CELF2: variants seen among roughly 807,000 people sequenced by gnomAD.
The protein encoded by CELF2 is CUGBP Elav-like family member 2.
In CELF2, 8 loss-of-function variants were observed where a neutral mutation model predicts 62.6. The observed-to-expected ratio is 0.13, with a 90% confidence interval of 0.07 to 0.23. The LOEUF (loss-of-function observed/expected upper bound fraction) is 0.23. Among genes scored for constraint, CELF2 ranks in the 10% least tolerant of loss-of-function variants. CELF2 has a pLI of 1.00. For synonymous variants in CELF2, 258 were observed against 250.0 expected (o/e 1.03, Z -0.30); for missense variants, 333 against 671.0 (o/e 0.50, Z 5.56).
chr10:11,050,238 G>A lies in CELF2; in HGVS notation c.74+32075G>A, dbSNP rs117104934. Among the ~76,000 whole-genome samples, 540 of 152,332 alleles carry A rather than the reference G, an allele frequency of 3.5e-3. 1 individual carries two copies. The highest frequency in any genetic ancestry group is 4.6e-3 in the Non-Finnish European group (315 of 68,022). ...TATTTGTGTCCCGAACTCTTTGTCC[G>A]TGAAGTGTTCAGAGAGAAGTCCAGT... is the stretch of plus-strand genomic sequence containing the variant. On this transcript the variant is annotated intron_variant, in intron 1 of 12. Coordinates refer to ENST00000633077, the MANE Select transcript of CELF2 (RefSeq NM_001326342.2).
chr10:10,926,436 C>T (rs1270450445), intron 2 of CELF2, among the ~76,000 whole-genome samples: 1 of 152,178 alleles, frequency 6.6e-6, no homozygotes, highest in Non-Finnish European at 1.5e-5. Flanking sequence ...GTGTTTTGAG[C>T]TTGAAATTCC....
chr10:10,725,572 G>C, the CELF2 span, among the ~76,000 whole-genome samples: 1 of 152,128 alleles, frequency 6.6e-6, no homozygotes, highest in Non-Finnish European at 1.5e-5. Flanking sequence ...CAGCCTTCAA[G>C]CCACATGTGG....
chr10:10,880,651 G>A (rs2061388051), intron 1 of CELF2, among the ~76,000 whole-genome samples: 1 of 152,148 alleles, frequency 6.6e-6, no homozygotes, highest in African/African-American at 2.4e-5. Context: ...AACAGACTGG[G>A]AAACACCAAA....
At chr10:10,594,352 T>C in the CELF2 span, among the ~76,000 whole-genome samples, 2 of 151,732 alleles carry the variant, frequency 1.3e-5, no homozygotes, top group African/African-American at 4.8e-5. Context: ...GAGATGCCTA[T>C]AGGAATACAG....
intron 5 of CELF2, among the ~76,000 whole-genome samples, chr10:11,259,245 G>T (rs996133051): frequency 6.6e-6 from 1 of 152,160 alleles, no homozygotes; most frequent in Non-Finnish European, 1.5e-5. Context: ...AAGAACATTT[G>T]CTCTTTTGAT....
the CELF2 span, among the ~76,000 whole-genome samples, chr10:10,482,026 C>T: frequency 1.3e-5 from 2 of 152,130 alleles, no homozygotes; most frequent in Non-Finnish European, 2.9e-5. Flanking sequence ...TCTTTTTAAG[C>T]AGATATAAGG....
At chr10:10,474,281 A>C in the CELF2 span, among the ~76,000 whole-genome samples, 1 of 152,068 alleles carries the variant, frequency 6.6e-6, no homozygotes, top group African/African-American at 2.4e-5. Flanking sequence ...CATTCTCCAC[A>C]AAAAGGGGGA....
At chr10:10,630,584 G>A in the CELF2 span, among the ~76,000 whole-genome samples, 1 of 152,128 alleles carries the variant, frequency 6.6e-6, no homozygotes, top group African/African-American at 2.4e-5. Flanking sequence ...ACTAGATGCT[G>A]TAAAACGTTT....
intron 8 of CELF2, among the ~76,000 whole-genome samples, chr10:11,277,285 G>A (rs889230531): frequency 3.3e-5 from 5 of 152,160 alleles, no homozygotes; most frequent in African/African-American, 9.7e-5. Context: ...CCATCAATCT[G>A]TGCACATGTT....
the CELF2 span, among the ~76,000 whole-genome samples, chr10:10,773,331 T>C: frequency 1.3e-5 from 2 of 152,338 alleles, no homozygotes; most frequent in South Asian, 2.1e-4. Flanking sequence ...AAACTGAAAG[T>C]GAGAAATTCT....
At chr10:10,553,091 T>C in the CELF2 span, among the ~76,000 whole-genome samples, 1 of 152,216 alleles carries the variant, frequency 6.6e-6, no homozygotes, top group Non-Finnish European at 1.5e-5. Context: ...AGAGGTTTAA[T>C]TGACTCACCG....
In CELF2 at chr10:10,874,862, T is replaced by C. The variant is rs888282820; in HGVS notation, c.54-45102T>C. Among the ~76,000 whole-genome samples the C allele has an allele frequency of 2.6e-5, 4 of 152,266 alleles. No homozygotes were observed. In the East Asian group the frequency reaches 7.7e-4, roughly 29 times the overall value. ...TTCACTAATAATATGACGTTGAAGG[T>C]GTAAAGGAAACAGTACATTCATCAG... On this transcript the variant is annotated intron_variant, in intron 1 of 13. Coordinates refer to the CELF2 transcript ENST00000636488.
At chr10:11,168,497 G>A (rs1565052615) in intron 2 of CELF2, among the ~76,000 whole-genome samples, 1 of 152,138 alleles carries the variant, frequency 6.6e-6, no homozygotes, top group Non-Finnish European at 1.5e-5. Flanking sequence ...TATTTTGCCT[G>A]TTTACATGTA....
the CELF2 span, among the ~76,000 whole-genome samples, chr10:10,705,385 C>T: frequency 8.7e-6 from 1 of 115,524 alleles, no homozygotes; most frequent in Non-Finnish European, 1.9e-5. Flanking sequence ...AAAAAAAAAC[C>T]CTCAGGGTGA....
At chr10:10,631,605 G>T in the CELF2 span, among the ~76,000 whole-genome samples, 2 of 152,196 alleles carry the variant, frequency 1.3e-5, no homozygotes, top group Admixed American at 1.3e-4. Context: ...GTGAGGGAAA[G>T]ATGGGGAAGC....
rs1400187065 is a variant in CELF2 at position 11,145,110 on chromosome 10, A to C, written c.75-20376A>C. Among the ~76,000 whole-genome samples, 1 of 152,190 alleles carries C rather than the reference A, an allele frequency of 6.6e-6. No homozygotes were observed. The highest frequency in any genetic ancestry group is 2.4e-5 in the African/African-American group (1 of 41,452). On this transcript the variant is annotated intron_variant, in intron 1 of 12. Coordinates refer to ENST00000633077, the MANE Select transcript of CELF2 (RefSeq NM_001326342.2). The surrounding 1 kb of genome is among the most constrained non-coding windows in gnomAD (Gnocchi z 4.3). ...AGTAGCCAAAGGTAATCTGTTTGTTATGTACTTTCCTTTATTATCCCAGCA... is the reference window on the plus strand; with the variant it reads ...AGTAGCCAAAGGTAATCTGTTTGTTCTGTACTTTCCTTTATTATCCCAGCA...
At chr10:10,549,583 C>G in the CELF2 span, among the ~76,000 whole-genome samples, 1 of 152,144 alleles carries the variant, frequency 6.6e-6, no homozygotes, top group Non-Finnish European at 1.5e-5. Flanking sequence ...TGCGCCCGGC[C>G]CCAGTTGGTC....
chr10:10,849,774 T>A (rs2132745379), intron 1 of CELF2, among the ~76,000 whole-genome samples: 1 of 152,256 alleles, frequency 6.6e-6, no homozygotes, highest in Middle Eastern at 3.4e-3. Context: ...TCTATCTTTG[T>A]GCACGTGTAT....
At chr10:10,736,868 A>G in the CELF2 span, among the ~76,000 whole-genome samples, 1 of 152,120 alleles carries the variant, frequency 6.6e-6, no homozygotes. Flanking sequence ...TGGTACCCTG[A>G]CATACGATTT....
Sources: allele counts gnomAD v4.1 joint callset (sites outside exome capture counted in the v4.1 genomes callset), GRCh38; gene constraint gnomAD v4.1.1; non-coding constraint Gnocchi (gnomAD v3.1); transcripts MANE v1.5; gene names NCBI Gene and HGNC (gene_info 2026-07-23, HGNC 2026-07-21).